The following KDM5B variants were observed in gnomAD, a reference collection of about 807,000 sequenced individuals.
KDM5B encodes the protein lysine demethylase 5B.
A neutral mutation model predicts 193.4 loss-of-function variants in KDM5B; 144 were observed. The observed-to-expected ratio is 0.74, with a 90% CI of 0.65 to 0.86. The LOEUF (loss-of-function observed/expected upper bound fraction) is 0.86. Among genes scored for constraint, KDM5B ranks in the 40% least tolerant of loss-of-function variants. The pLI is 0.00. For synonymous variants in KDM5B, 668 were observed against 682.6 expected, an observed-to-expected ratio of 0.98 and a Z score of 0.33; for missense variants, 1,833 against 1,886.9, an observed-to-expected ratio of 0.97 and a Z score of 0.53.
Position 202,769,196 on chromosome 1 carries a change from C to T in KDM5B, c.577-2136G>A, listed in dbSNP as rs866740998. On this transcript the variant is annotated intron_variant, in intron 4 of 26. Transcript: ENST00000367265. ...GGACTACAGGCACCTGCCACCACAC[C>T]CAGCTATTTTTTTGTATTTTTAGTA... Among the ~76,000 whole-genome samples the T allele has an allele frequency of 2.1e-4, 32 of 151,064 alleles. 1 individual carries two copies. In the Middle Eastern group the frequency reaches 0.021, roughly 97 times the overall value.
chr1:202,773,806 C>T (rs1369452422), intron 3 of KDM5B, among the ~76,000 whole-genome samples: 1 of 151,496 alleles, frequency 6.6e-6, no homozygotes, highest in African/African-American at 2.4e-5. Context: ...GGCGCAATCT[C>T]GGCTCACTGC....
At chr1:202,800,169 G>A (rs1021297350) in intron 1 of KDM5B, among the ~76,000 whole-genome samples, 9 of 152,036 alleles carry the variant, frequency 5.9e-5, no homozygotes, top group East Asian at 1.9e-4. Flanking sequence ...TCAGCCTCCC[G>A]AGTAGCTTGG....
At chr1:202,732,042 GAAAAA>G in intron 23 of KDM5B, 103 bp from the exon 24 acceptor site, 2 of 379,006 alleles carry the variant, frequency 5.3e-6, no homozygotes, top group South Asian at 2.3e-5. Flanking sequence ...GCAACCAGGG[GAAAAA>G]AAAAAAAAAA....
chr1:202,763,866 A>G (rs1364065410), intron 6 of KDM5B, among the ~76,000 whole-genome samples, 183 bp downstream of exon 6: 1 of 152,268 alleles, frequency 6.6e-6, no homozygotes, highest in Non-Finnish European at 1.5e-5. Flanking sequence ...AATTATGAGA[A>G]CAAGGACACT....
At chr1:202,733,052 T>C (rs1340874990) in intron 23 of KDM5B, among the ~76,000 whole-genome samples, 2 of 152,054 alleles carry the variant, frequency 1.3e-5, no homozygotes, top group East Asian at 3.8e-4. Flanking sequence ...AGAAGCAGGG[T>C]AAAAAACTTT....
rs759644295 is a variant in KDM5B at position 202,741,712 on chromosome 1, T to C, written c.2600A>G (p.Asn867Ser). 7.7e-5 allele frequency: 123 copies of C among 1,594,698 alleles called. No homozygotes were observed. Among genetic ancestry groups the C allele is most frequent in the Non-Finnish European group, 1.0e-4 (122 of 1,168,322 alleles). ...ATGCTGTTGAAAATCTTCTACACGATTCAAGAGATCCTAAAAAAAAATACA... is the reference window on the plus strand; with the variant it reads ...ATGCTGTTGAAAATCTTCTACACGACTCAAGAGATCCTAAAAAAAAATACA... ...SQTPLLKDLLNRVEDFQQHSQ... is the reference protein window; with the variant it reads ...SQTPLLKDLLSRVEDFQQHSQ... The change falls in exon 19 of 27, where the codon AAT (asparagine) becomes AGT (serine). Residue 867 changes from asparagine to serine, a missense_variant. This residue lies in a region of KDM5B where 1,379 missense variants were observed against 1,349.6 expected (regional missense o/e 1.02). Transcript: ENST00000367265.
intron 14 of KDM5B, among the ~76,000 whole-genome samples, chr1:202,747,177 CAACA>C (rs1252593925): frequency 2.0e-5 from 3 of 151,926 alleles, no homozygotes; most frequent in Non-Finnish European, 2.9e-5. Flanking sequence ...TTATATGGGC[CAACA>C]AAGATGAGGA....
chr1:202,749,546 G>T (rs1304059878), intron 13 of KDM5B, among the ~76,000 whole-genome samples: 1 of 152,032 alleles, frequency 6.6e-6, no homozygotes, highest in Non-Finnish European at 1.5e-5. Context: ...GACAGAGCGA[G>T]ACTGTCTCGA....
intron 8 of KDM5B, among the ~76,000 whole-genome samples, chr1:202,759,550 C>CA (rs67515433): frequency 0.014 from 1,635 of 115,716 alleles, 47 homozygotes; most frequent in African/African-American, 0.057. Context: ...GATCCTGTCT[C>CA]AAAAAAAAAA....
chr1:202,775,388 T>G (rs1355577656), intron 2 of KDM5B, among the ~76,000 whole-genome samples: 2 of 149,140 alleles, frequency 1.3e-5, no homozygotes, highest in African/African-American at 5.0e-5. Context: ...ATACAAAAAA[T>G]TAGCTGGGCG....
Position 202,773,307 on chromosome 1 carries a change from T to G in KDM5B, c.406-19A>C. The G allele has an allele frequency of 3.1e-6, 5 of 1,609,540 alleles. No individual in the cohort carries two copies. The highest frequency in any genetic ancestry group is 4.2e-6 in the Non-Finnish European group (5 of 1,176,764). ...CAACTAACTGTTAAAATAGCAAAAT[T>G]AGAAACAACTATATGGAAGTCACTT... On this transcript the variant is annotated intron_variant, in intron 3 of 26. Transcript: ENST00000367265.
Position 202,740,772 on chromosome 1 carries a change from C to T in KDM5B, c.2986G>A (p.Glu996Lys). Residue 996 changes from glutamate to lysine, a missense_variant, in exon 20 of 27, where the codon GAA becomes AAA. By Grantham distance (56) the Glu-to-Lys change is moderately conservative. Coordinates refer to ENST00000367265, the MANE Select transcript of KDM5B (RefSeq NM_006618.5). ...SLNSLATAVK[E>K]IEEIPAYLPN... ...AGATATGCAGGGATCTCTTCGATTT[C>T]CTTTACTGCCGTAGCAAGGCTATTC... 6.2e-7 allele frequency: 1 copy of T among 1,612,824 alleles called. No individual in the cohort carries two copies. Among genetic ancestry groups the T allele is most frequent in the Non-Finnish European group, 8.5e-7 (1 of 1,179,904 alleles).
rs187433816 is a variant in KDM5B, at chr1:202,728,358, T to A, written c.*678A>T. 80 of 152,802 alleles carry A rather than the reference T, an allele frequency of 5.2e-4. 1 individual carries two copies. The highest frequency in any genetic ancestry group is 2.9e-5 in the Non-Finnish European group (2 of 68,042). 9.5% of individuals were successfully genotyped at this position (152,802 alleles called of 1,614,324 possible). A position where few individuals can be genotyped will look rare whatever the true frequency, so the allele number is the denominator to read the frequency against. On this transcript the variant is annotated 3_prime_UTR_variant, in exon 27 of 27. Coordinates refer to ENST00000367265, the MANE Select transcript of KDM5B (RefSeq NM_006618.5). Reference sequence around the variant, plus strand: ...CTTTTCTACATCACTAGTTCATCAGTGACACTAGAAACTAGACATTTGTGT... The same window carrying A: ...CTTTTCTACATCACTAGTTCATCAGAGACACTAGAAACTAGACATTTGTGT...
At chr1:202,761,104 T>C (rs1299701375) in intron 7 of KDM5B, among the ~76,000 whole-genome samples, 1 of 152,074 alleles carries the variant, frequency 6.6e-6, no homozygotes, top group Non-Finnish European at 1.5e-5. Context: ...AATACAAGTT[T>C]TCCATATTTA....
intron 10 of KDM5B, among the ~76,000 whole-genome samples, chr1:202,755,742 T>C (rs1003365471): frequency 6.6e-6 from 1 of 152,098 alleles, no homozygotes; most frequent in Non-Finnish European, 1.5e-5. Flanking sequence ...AACTAATCTA[T>C]AGTGTTAGAA....
chr1:202,798,048 C>T (rs1657920563), intron 1 of KDM5B, among the ~76,000 whole-genome samples: 1 of 152,122 alleles, frequency 6.6e-6, no homozygotes, highest in Admixed American at 6.6e-5. Context: ...CAAAAACTAG[C>T]TGGGCATGAT....
chr1:202,745,129 A>T (rs1312809901), intron 16 of KDM5B, among the ~76,000 whole-genome samples: 2 of 152,156 alleles, frequency 1.3e-5, no homozygotes, highest in Admixed American at 1.3e-4. Flanking sequence ...CAGGGGAGTA[A>T]CACGTGAACA....
At chr1:202,755,871 G>C (rs943759328) in intron 10 of KDM5B, among the ~76,000 whole-genome samples, 4 of 151,702 alleles carry the variant, frequency 2.6e-5, no homozygotes, top group Non-Finnish European at 5.9e-5. Context: ...TCTTGTTTTA[G>C]TTAGTGCTGG....
At chr1:202,742,036 C>T (rs572899604) in intron 18 of KDM5B, among the ~76,000 whole-genome samples, 164 of 151,904 alleles carry the variant, frequency 1.1e-3, no homozygotes, top group Middle Eastern at 3.4e-3. Flanking sequence ...CCACCATGCC[C>T]GGCTAATTTT....
Sources: gnomAD v4.1 joint callset for allele counts (sites outside exome capture counted in the v4.1 genomes callset) on GRCh38, gnomAD v4.1.1 for gene constraint, gnomAD v4.1.1 regional missense constraint, MANE v1.5 for transcripts, NCBI Gene and HGNC (gene_info 2026-07-23, HGNC 2026-07-21) for gene names.